Variants in TXNDC11 observed in about 807,000 individuals in gnomAD.
TXNDC11 encodes thioredoxin domain-containing protein 11.
TXNDC11 carries 68 observed loss-of-function variants against 78.0 expected under a neutral mutation model. The ratio of observed to expected loss-of-function variants is 0.87; its 90% CI spans 0.72 to 1.07. The LOEUF (loss-of-function observed/expected upper bound fraction) is 1.07, where lower values mean the gene tolerates loss of function less well. Among genes scored for constraint, TXNDC11 ranks in the 50% least tolerant of loss-of-function variants. TXNDC11 has a pLI of 0.00. For missense variants in TXNDC11, 1,389 were observed against 1,221.8 expected (o/e 1.14, Z -2.04); for synonymous variants, 571 against 495.2 (o/e 1.15, Z -2.03).
chr16:11,692,104 G>A lies in TXNDC11; in HGVS notation c.1108-22C>T, dbSNP rs749070877. The A allele has an allele frequency of 2.0e-6, 3 of 1,511,730 alleles. No individual in the cohort carries two copies. The African/African-American group carries it at 4.2e-5, about 21-fold the overall frequency. 93.6% of individuals were successfully genotyped at this position (1,511,730 alleles called of 1,614,324 possible). A position where few individuals can be genotyped will look rare whatever the true frequency, so the allele number is the denominator to read the frequency against. On this transcript the variant is annotated intron_variant, in intron 7 of 11. Transcript: ENST00000283033. ...TGATCTGAAATACAGGGCAGAGTTG[G>A]TGAAGGGCTTGGGGATGACTGAGGG...
At chr16:11,728,305 C>G (rs1286947821) in intron 4 of TXNDC11, among the ~76,000 whole-genome samples, 4 of 152,160 alleles carry the variant, frequency 2.6e-5, no homozygotes, top group African/African-American at 9.7e-5. Flanking sequence ...ATGGGCTTGA[C>G]TAGTGAGTTG....
In TXNDC11 at chr16:11,734,106, T is replaced by C. The variant is rs993971099; in HGVS notation, c.472-27A>G. The C allele has an allele frequency of 1.3e-5, 18 of 1,433,860 alleles. No individual in the cohort carries two copies. In the Admixed American group the frequency reaches 1.5e-4, roughly 12 times the overall value. 88.8% of individuals were successfully genotyped at this position (1,433,860 alleles called of 1,614,324 possible). ...TGCAGAGCCAAAAAAGGTTTTCAAA[T>C]GACTATGAATAACAACTGAAAAGTT... is the stretch of plus-strand genomic sequence containing the variant. On this transcript the variant is annotated intron_variant, in intron 2 of 11. Coordinates refer to ENST00000283033, the MANE Select transcript of TXNDC11 (RefSeq NM_015914.7).
At chr16:11,717,455 A>AG (rs2051562471) in intron 5 of TXNDC11, among the ~76,000 whole-genome samples, 1 of 150,772 alleles carries the variant, frequency 6.6e-6, no homozygotes, top group South Asian at 2.1e-4. Context: ...AAAAAAAAAA[A>AG]AGAACCAGAG....
intron 5 of TXNDC11, among the ~76,000 whole-genome samples, chr16:11,702,171 T>G (rs546178694): frequency 6.6e-6 from 1 of 151,878 alleles, no homozygotes; most frequent in Admixed American, 6.6e-5. Flanking sequence ...AAAAGGATAA[T>G]GAAAGTGGTT....
intron 11 of TXNDC11, among the ~76,000 whole-genome samples, chr16:11,680,454 G>T (rs2050394857): frequency 6.6e-6 from 1 of 152,230 alleles, no homozygotes; most frequent in Non-Finnish European, 1.5e-5. Flanking sequence ...AATTCAGGCT[G>T]CCCAGCCCTG....
At position 11,679,216 on chromosome 16, in the gene TXNDC11, A is replaced by G. The variant is rs773264602; in HGVS notation, c.2856T>C (p.Asn952=). 6.2e-6 allele frequency: 10 copies of G among 1,613,810 alleles called. No homozygotes were observed. The Admixed American group carries it at 1.5e-4, about 24-fold the overall frequency. Residue 952 remains asparagine, a synonymous_variant, in exon 12 of 12, where the codon AAT becomes AAC. Coordinates refer to ENST00000283033, the MANE Select transcript of TXNDC11 (RefSeq NM_015914.7). The surrounding 1 kb of genome is among the most constrained non-coding windows in gnomAD (Gnocchi z 4.6). Reference sequence around the variant, plus strand: ...AAAGTTAGTCTGTCCTGTTCTCCTTATTCCTTTCAGACACCAGTGTGGCGC... The same window carrying G: ...AAAGTTAGTCTGTCCTGTTCTCCTTGTTCCTTTCAGACACCAGTGTGGCGC... ...NVSATLVSER[N]KENRTD is the part of the protein sequence containing the mutation.
At chr16:11,734,123 T>C (rs1467161087) in intron 2 of TXNDC11, 44 bp from the exon 3 acceptor site, 2 of 1,230,924 alleles carry the variant, frequency 1.6e-6, no homozygotes, top group African/African-American at 1.5e-5. Context: ...GAATAACAAC[T>C]GAAAAGTTAC....
At chr16:11,709,764 T>C (rs2051289823) in intron 5 of TXNDC11, among the ~76,000 whole-genome samples, 1 of 151,886 alleles carries the variant, frequency 6.6e-6, no homozygotes, top group Admixed American at 6.6e-5. Context: ...GTGAGCTAGG[T>C]AGGAAGGAAA....
Position 11,699,614 on chromosome 16 carries a change from G to C in TXNDC11, c.906+838C>G, listed in dbSNP as rs560093916. ...AAAGCACAGCATCTGGGCTACGAGA[G>C]ATATGCAGAAGCCAGGGCGACTGGC... On this transcript the variant is annotated intron_variant, in intron 6 of 11. Transcript: ENST00000283033. Among the ~76,000 whole-genome samples, 4 of 152,398 alleles carry C rather than the reference G, an allele frequency of 2.6e-5. No homozygotes were observed. In the South Asian group the frequency reaches 8.3e-4, roughly 32 times the overall value.
intron 10 of TXNDC11, among the ~76,000 whole-genome samples, chr16:11,685,367 C>T (rs545731387): frequency 2.0e-5 from 3 of 150,352 alleles, no homozygotes; most frequent in Admixed American, 6.6e-5. Flanking sequence ...ACAACAACGC[C>T]GGGCGTGGTG....
Position 11,742,518 on chromosome 16 carries a change from CGCCACGGCCCCGCAGAGCAGCTCCG to C in TXNDC11, c.188_212del (p.Pro63ArgfsTer20), listed in dbSNP as rs1030428125. 3.1e-5 allele frequency: 45 copies of C among 1,454,634 alleles called. No individual in the cohort carries two copies. The highest frequency in any genetic ancestry group is 4.0e-5 in the Non-Finnish European group (44 of 1,111,676). 90.1% of individuals were successfully genotyped at this position (1,454,634 alleles called of 1,614,324 possible). A position where few individuals can be genotyped will look rare whatever the true frequency, so the allele number is the denominator to read the frequency against. ...GGGCGAGGAGCAGCGCGCAGCCGAG[CGCCACGGCCCCGCAGAGCAGCTCCG>C]GCCGCTGGCGCGCCATGAGGAAGGC... On this transcript the variant is annotated frameshift_variant, in exon 1 of 12. Coordinates refer to ENST00000283033, the MANE Select transcript of TXNDC11 (RefSeq NM_015914.7). LOFTEE classifies it high-confidence loss of function.
chr16:11,685,072 G>T (rs948394536), intron 10 of TXNDC11, among the ~76,000 whole-genome samples: 2 of 152,202 alleles, frequency 1.3e-5, no homozygotes, highest in Non-Finnish European at 2.9e-5. Flanking sequence ...TTCAAAAAAT[G>T]GCACAACCAG....
intron 1 of TXNDC11, among the ~76,000 whole-genome samples, chr16:11,741,275 A>C (rs1946360700): frequency 6.6e-6 from 1 of 152,236 alleles, no homozygotes; most frequent in African/African-American, 2.4e-5. Context: ...ATATCATAGT[A>C]GCAATACAGA....
chr16:11,733,648 T>C (rs1293357316), intron 3 of TXNDC11, among the ~76,000 whole-genome samples: 4 of 152,256 alleles, frequency 2.6e-5, no homozygotes, highest in Non-Finnish European at 5.9e-5. Context: ...ATAAGAAATT[T>C]TGTGTATTTT....
rs769794771 is a variant in TXNDC11 at position 11,691,878 on chromosome 16, T to A, written c.1312A>T (p.Thr438Ser). 6.2e-7 allele frequency: 1 copy of A among 1,614,192 alleles called. No individual in the cohort carries two copies. Among genetic ancestry groups the A allele is most frequent in the Admixed American group, 1.7e-5 (1 of 60,032 alleles). ...VLPQWHSFSRTHNVCELCVNQ... is the reference protein window; with the variant it reads ...VLPQWHSFSRSHNVCELCVNQ... ...ACACAGAGTTCACAGACGTTGTGGG[T>A]CCTGGAGAAGGAGTGCCACTGGGGC... The change falls in exon 8 of 12, where the codon ACC (threonine) becomes TCC (serine). Residue 438 changes from threonine (T) to serine (S), a missense_variant. Coordinates refer to ENST00000283033, the MANE Select transcript of TXNDC11 (RefSeq NM_015914.7).
intron 4 of TXNDC11, among the ~76,000 whole-genome samples, chr16:11,727,331 A>G (rs2051913377): frequency 6.6e-6 from 1 of 152,176 alleles, no homozygotes; most frequent in African/African-American, 2.4e-5. Context: ...GTCAAGCAAA[A>G]AAAAACCAAT....
chr16:11,729,191 C>A (rs1386654229), intron 4 of TXNDC11, among the ~76,000 whole-genome samples: 1 of 152,176 alleles, frequency 6.6e-6, no homozygotes, highest in Non-Finnish European at 1.5e-5. Context: ...CTGGCCCAGG[C>A]CCCTGATGCC....
intron 1 of TXNDC11, 156 bp downstream of exon 1, chr16:11,742,321 G>GA (rs1245779884): frequency 3.7e-6 from 2 of 537,580 alleles, no homozygotes; most frequent in Non-Finnish European, 6.0e-6. Context: ...GAGAAGGTGG[G>GA]AAGCCGTGGC....
At chr16:11,738,466 G>A (rs1326991051) in intron 1 of TXNDC11, among the ~76,000 whole-genome samples, 1 of 152,212 alleles carries the variant, frequency 6.6e-6, no homozygotes, top group African/African-American at 2.4e-5. Context: ...AGGGGAGGAA[G>A]ACAGGAAAAA....
Sources: allele counts gnomAD v4.1 joint callset (sites outside exome capture counted in the v4.1 genomes callset), GRCh38; gene constraint gnomAD v4.1.1; non-coding constraint Gnocchi (gnomAD v3.1); transcripts MANE v1.5; gene names NCBI Gene and HGNC (gene_info 2026-07-23, HGNC 2026-07-21).